SBF2: variants seen among roughly 807,000 people sequenced by gnomAD.
SBF2 encodes SET binding factor 2.
Under a neutral mutation model 225.2 loss-of-function variants are expected in SBF2, and 112 were observed. The observed-to-expected ratio is 0.50, with a 90% confidence interval of 0.43 to 0.58. The LOEUF is 0.58. Ranked by LOEUF, SBF2 falls within the 20% of genes least tolerant of loss-of-function variation. The pLI is 0.00. For synonymous variants in SBF2, 763 were observed against 773.3 expected (o/e 0.99, Z 0.22); for missense variants, 1,996 against 2,206.2 (o/e 0.90, Z 1.91).
intron 6 of SBF2, among the ~76,000 whole-genome samples, chr11:10,007,391 C>T (rs143484945): frequency 6.6e-6 from 1 of 152,282 alleles, no homozygotes; most frequent in Non-Finnish European, 1.5e-5. Context: ...AAGGGAAAGG[C>T]TAATATTTTT....
At chr11:9,956,535 T>C (rs963537435) in intron 16 of SBF2, 1 of 151,248 alleles carries the variant, frequency 6.6e-6, no homozygotes, top group African/African-American at 2.4e-5. Context: ...CATCTTGTTA[T>C]ACACTTATCA....
chr11:9,794,682 A>AAAAAAAG (rs1852993567), intron 33 of SBF2, among the ~76,000 whole-genome samples: 1 of 125,328 alleles, frequency 8.0e-6, no homozygotes, highest in East Asian at 2.1e-4. Flanking sequence ...GTCTCAAAAA[A>AAAAAAAG]AAAAAAAAAA....
Position 9,845,740 on chromosome 11 carries a change from A to C in SBF2, c.2935T>G (p.Leu979Val), listed in dbSNP as rs761661192. Residue 979 changes from leucine (L) to valine (V), a missense_variant and splice_region_variant, in exon 24 of 40, where the codon TTG becomes GTG. By Grantham distance (32) the Leu-to-Val change is conservative. Coordinates refer to ENST00000256190, the MANE Select transcript of SBF2 (RefSeq NM_030962.4). ...GLQITSASFQ[L>V]IKVAFDEEVS... ...TCTTCATCAAATGCTACCTTAATCA[A>C]CTAGAAGCAAAAGAGATTAAACACA... The C allele has an allele frequency of 6.2e-7, 1 of 1,613,454 alleles. No individual in the cohort carries two copies. The highest frequency in any genetic ancestry group is 1.3e-5 in the African/African-American group (1 of 74,908).
At chr11:9,972,431 C>T (rs1038403263) in intron 13 of SBF2, among the ~76,000 whole-genome samples, 4 of 152,140 alleles carry the variant, frequency 2.6e-5, no homozygotes, top group African/African-American at 9.7e-5. Flanking sequence ...AACACATTAC[C>T]AACTACTTAC....
intron 2 of SBF2, among the ~76,000 whole-genome samples, chr11:10,050,798 T>C (rs1950032880): frequency 6.6e-6 from 1 of 152,160 alleles, no homozygotes; most frequent in Non-Finnish European, 1.5e-5. Flanking sequence ...ATGATGCATA[T>C]CCCAGGTGGG....
At chr11:9,882,345 T>G (rs1285323772) in intron 17 of SBF2, among the ~76,000 whole-genome samples, 1 of 152,236 alleles carries the variant, frequency 6.6e-6, no homozygotes, top group Non-Finnish European at 1.5e-5. Flanking sequence ...AAATTTTTAT[T>G]GTTACCATGA....
chr11:10,103,757 A>G (rs567143421), intron 2 of SBF2, among the ~76,000 whole-genome samples: 1 of 152,302 alleles, frequency 6.6e-6, no homozygotes, highest in East Asian at 1.9e-4. Context: ...ATATCAAGCA[A>G]AACAGGAGTT....
At chr11:10,062,406 T>C (rs980218377) in intron 2 of SBF2, among the ~76,000 whole-genome samples, 28 of 152,104 alleles carry the variant, frequency 1.8e-4, no homozygotes, top group African/African-American at 6.8e-4. Context: ...AAGAGAAGCC[T>C]ACAGACTGGG....
rs143423688 is a variant in SBF2 at position 10,062,538 on chromosome 11, C to T, written c.142-19557G>A. 3.3e-3 allele frequency among the ~76,000 whole-genome samples: 508 copies of T among 152,204 alleles called. 4 individuals carry two copies. The highest frequency in any genetic ancestry group is 0.012 in the African/African-American group (484 of 41,538). On this transcript the variant is annotated intron_variant, in intron 2 of 39. Coordinates refer to ENST00000256190, the MANE Select transcript of SBF2 (RefSeq NM_030962.4). ...TTAAAAAGTGGGCAAAGGACATGAACAGACCATTTTAAAAAAAGACATACA... is the reference window on the plus strand; with the variant it reads ...TTAAAAAGTGGGCAAAGGACATGAATAGACCATTTTAAAAAAAGACATACA...
At chr11:10,131,023 AT>A (rs1467966187) in intron 2 of SBF2, among the ~76,000 whole-genome samples, 1 of 152,190 alleles carries the variant, frequency 6.6e-6, no homozygotes, top group East Asian at 1.9e-4. Context: ...ATAAATTTTA[AT>A]TTATCTAGGA....
intron 1 of SBF2, among the ~76,000 whole-genome samples, chr11:10,222,880 GGATTA>G (rs1457605564): frequency 6.6e-6 from 1 of 152,032 alleles, no homozygotes; most frequent in African/African-American, 2.4e-5. Context: ...AGGCATAAAT[GGATTA>G]ATTACCCAGG....
At chr11:9,830,004 G>A (rs886582113) in intron 27 of SBF2, among the ~76,000 whole-genome samples, 6 of 152,236 alleles carry the variant, frequency 3.9e-5, no homozygotes, top group South Asian at 2.1e-4. Context: ...CAGGGGACAT[G>A]AGCCTATAAA....
chr11:9,994,201 G>A (rs750678592), intron 9 of SBF2, among the ~76,000 whole-genome samples: 25 of 152,128 alleles, frequency 1.6e-4, no homozygotes, highest in Admixed American at 2.0e-4. Context: ...TCGGCCGGGC[G>A]CGGTGGCTCA....
chr11:10,138,895 T>G (rs1305773154), intron 2 of SBF2, among the ~76,000 whole-genome samples: 5 of 152,204 alleles, frequency 3.3e-5, no homozygotes, highest in Non-Finnish European at 7.4e-5. Flanking sequence ...AAACACTGTA[T>G]TCTGCTATTT....
At chr11:10,040,557 T>G (rs553026976) in intron 3 of SBF2, among the ~76,000 whole-genome samples, 2 of 151,814 alleles carry the variant, frequency 1.3e-5, no homozygotes, top group Admixed American at 1.3e-4. Flanking sequence ...GATCCTGTAC[T>G]GGAAGAAAAA....
chr11:10,214,339 A>T (rs1249819166), intron 1 of SBF2, among the ~76,000 whole-genome samples: 1 of 152,132 alleles, frequency 6.6e-6, no homozygotes, highest in Admixed American at 6.5e-5. Flanking sequence ...AAAACAGCCA[A>T]TTGGCCGGGC....
At position 10,024,778 on chromosome 11, in the gene SBF2, A is replaced by G. The variant is rs1210395168; in HGVS notation, c.619+3674T>C. Among the ~76,000 whole-genome samples the G allele has an allele frequency of 2.0e-5, 3 of 152,130 alleles. No homozygotes were observed. The East Asian group carries it at 5.8e-4, about 29-fold the overall frequency. On this transcript the variant is annotated intron_variant, in intron 6 of 39. Transcript: ENST00000256190. Reference sequence around the variant, plus strand: ...TAACATAAAATTGCTCTATTTACACATTTCAATGCTGCTATTCTCTGCTTT... The same window carrying G: ...TAACATAAAATTGCTCTATTTACACGTTTCAATGCTGCTATTCTCTGCTTT...
Position 9,781,559 on chromosome 11 carries a change from G to A in SBF2, c.5399C>T (p.Ala1800Val), listed in dbSNP as rs745534248. 4 of 1,614,192 alleles carry A rather than the reference G, an allele frequency of 2.5e-6. No homozygotes were observed. The Admixed American group carries it at 6.7e-5, about 27-fold the overall frequency. The change falls in exon 39 of 40, where the codon GCT (alanine) becomes GTT (valine). Residue 1800 changes from alanine to valine, a missense_variant. Ala to Val is a moderately conservative substitution (Grantham distance 64, BLOSUM62 0). Transcript: ENST00000256190. ...DLAEVEMVIP[A>V]GPSMGAPKHT... ...CTTTGGGGCTCCCATGCTGGGGCCA[G>A]CAGGGATGACCATTTCTACTTCAGC...
chr11:10,233,782 C>A (rs1958953227), intron 1 of SBF2, among the ~76,000 whole-genome samples: 1 of 152,150 alleles, frequency 6.6e-6, no homozygotes, highest in African/African-American at 2.4e-5. Flanking sequence ...CAAGTTATCT[C>A]CCAACCAATG....
Sources: allele counts gnomAD v4.1 joint callset (sites outside exome capture counted in the v4.1 genomes callset), GRCh38; gene constraint gnomAD v4.1.1; transcripts MANE v1.5; gene names NCBI Gene and HGNC (gene_info 2026-07-23, HGNC 2026-07-21).